The following ANO1 variants were observed in gnomAD, a reference collection of about 807,000 sequenced individuals.
ANO1 encodes the protein anoctamin 1, also known as anoctamin-1.
ANO1 carries 59 observed loss-of-function variants against 124.0 expected under a neutral mutation model. The observed-to-expected ratio is 0.48, with a 90% confidence interval of 0.39 to 0.59. The LOEUF (loss-of-function observed/expected upper bound fraction) is 0.59, where lower values mean the gene tolerates loss of function less well. Ranked by LOEUF, ANO1 falls within the 20% of genes least tolerant of loss-of-function variation. The pLI, the probability that ANO1 is intolerant of heterozygous loss-of-function variation, is 0.00. For synonymous variants in ANO1, 529 were observed against 532.0 expected (o/e 0.99, Z 0.08); for missense variants, 1,059 against 1,328.0 (o/e 0.80, Z 3.15).
At chr11:69,970,652 G>T in the ANO1 span, among the ~76,000 whole-genome samples, 1 of 152,196 alleles carries the variant, frequency 6.6e-6, no homozygotes, top group Non-Finnish European at 1.5e-5. Context: ...GCCTCGCAGG[G>T]AGTGGGGACC....
intron 1 of ANO1, among the ~76,000 whole-genome samples, chr11:70,016,791 T>C (rs1359954440): frequency 1.3e-5 from 2 of 152,156 alleles, no homozygotes; most frequent in Admixed American, 6.5e-5. Context: ...ACTCTAGACA[T>C]TGTGGGCAAA....
chr11:70,086,224 C>G (rs1161420384), intron 1 of ANO1, among the ~76,000 whole-genome samples: 1 of 152,188 alleles, frequency 6.6e-6, no homozygotes, highest in African/African-American at 2.4e-5. Flanking sequence ...TAGGTTCTAC[C>G]CAGCATGGCT....
chr11:70,001,258 G>C (rs1333596880), intron 1 of ANO1, among the ~76,000 whole-genome samples: 1 of 152,190 alleles, frequency 6.6e-6, no homozygotes, highest in Non-Finnish European at 1.5e-5. Flanking sequence ...TAAATAGAAT[G>C]CTCAGTAAAC....
At chr11:70,113,359 G>A (rs1212387488) in intron 7 of ANO1, among the ~76,000 whole-genome samples, 1 of 152,172 alleles carries the variant, frequency 6.6e-6, no homozygotes, top group East Asian at 1.9e-4. Flanking sequence ...GAGTCGGTTT[G>A]CCTCGGCCAG....
intron 1 of ANO1, among the ~76,000 whole-genome samples, chr11:69,996,359 T>C (rs540228868): frequency 1.3e-5 from 2 of 152,340 alleles, no homozygotes; most frequent in East Asian, 3.9e-4. Context: ...AAATGCTCCC[T>C]TGGCCAAATC....
chr11:70,131,448 C>T (rs2046755435), intron 10 of ANO1, among the ~76,000 whole-genome samples: 1 of 152,192 alleles, frequency 6.6e-6, no homozygotes, highest in African/African-American at 2.4e-5. Flanking sequence ...CTGCCTCAGC[C>T]TCCCGAGTAG....
At chr11:70,126,036 A>C in intron 9 of ANO1, 25 bp from the exon 10 acceptor site, 1 of 1,593,284 alleles carries the variant, frequency 6.3e-7, no homozygotes, top group Non-Finnish European at 8.6e-7. Flanking sequence ...AGTGGGCTTG[A>C]CTCTGCTCTG....
chr11:70,025,559 A>AATG (rs571946477), intron 1 of ANO1, among the ~76,000 whole-genome samples: 1,623 of 143,020 alleles, frequency 0.011, 11 homozygotes, highest in Non-Finnish European at 0.015. Context: ...TGGTGATGAC[A>AATG]ATGATGATGA....
At chr11:69,987,234 C>T (rs1179891742) in intron 1 of ANO1, among the ~76,000 whole-genome samples, 1 of 152,166 alleles carries the variant, frequency 6.6e-6, no homozygotes, top group Non-Finnish European at 1.5e-5. Flanking sequence ...TACTCTTGTG[C>T]GGCCAGGCTG....
intron 1 of ANO1, among the ~76,000 whole-genome samples, chr11:69,991,597 C>T (rs1233615718): frequency 6.6e-6 from 1 of 152,224 alleles, no homozygotes; most frequent in Non-Finnish European, 1.5e-5. Context: ...CAGTGAGTTT[C>T]TCTTCCATAT....
At chr11:70,133,586 C>T (rs1565234483) in intron 11 of ANO1, among the ~76,000 whole-genome samples, 1 of 152,154 alleles carries the variant, frequency 6.6e-6, no homozygotes, top group South Asian at 2.1e-4. Flanking sequence ...ATGGCGCCTC[C>T]GTCCTCTCCA....
chr11:69,977,532 G>A, the ANO1 span, among the ~76,000 whole-genome samples: 1 of 152,232 alleles, frequency 6.6e-6, no homozygotes, highest in Admixed American at 6.5e-5. Context: ...AGCCTGCAGA[G>A]CTGACAATGA....
chr11:70,007,379 C>A (rs4980724), intron 1 of ANO1, among the ~76,000 whole-genome samples: 110,179 of 150,824 alleles, frequency 0.73, 41,058 homozygotes, highest in East Asian at 0.98. Flanking sequence ...CGGGTTCACG[C>A]CATTCTCCTG....
intron 2 of ANO1, among the ~76,000 whole-genome samples, chr11:70,101,647 A>G (rs1590733744): frequency 6.7e-6 from 1 of 149,350 alleles, no homozygotes; most frequent in East Asian, 2.0e-4. Context: ...CTTTTTGTCA[A>G]CAAGCTACAA....
chr11:70,120,545 A>G lies in ANO1; in HGVS notation c.898-3805A>G, dbSNP rs560544100. ...GCATCCCTGGGCTGGACTAGGAGCC[A>G]CAGAGCCCAACATGTCATTCATCCA... On this transcript the variant is annotated intron_variant, in intron 8 of 25. Coordinates refer to ENST00000355303, the MANE Select transcript of ANO1 (RefSeq NM_018043.7). Among the ~76,000 whole-genome samples, 7 of 152,268 alleles carry G rather than the reference A, an allele frequency of 4.6e-5. No individual in the cohort carries two copies. The East Asian group carries it at 1.4e-3, about 29-fold the overall frequency.
At chr11:70,017,185 C>T (rs990179) in intron 1 of ANO1, among the ~76,000 whole-genome samples, 82,905 of 152,012 alleles carry the variant, frequency 0.55, 23,218 homozygotes, top group East Asian at 0.91. Flanking sequence ...TGAGGCTTAG[C>T]GGTCCGAACA....
chr11:70,184,098 G>A (rs552728081), intron 24 of ANO1, among the ~76,000 whole-genome samples: 1 of 152,340 alleles, frequency 6.6e-6, no homozygotes, highest in East Asian at 1.9e-4. Flanking sequence ...GTGACCAACA[G>A]GGGCACAAAC....
At chr11:70,085,763 T>C in intron 1 of ANO1, 3 of 1,348,310 alleles carry the variant, frequency 2.2e-6, no homozygotes, top group Admixed American at 2.9e-5. Context: ...AGGCCTTCCC[T>C]CCCCCTCTCC....
intron 22 of ANO1, among the ~76,000 whole-genome samples, chr11:70,173,773 G>A (rs1354037915): frequency 3.3e-5 from 5 of 152,104 alleles, no homozygotes; most frequent in African/African-American, 7.2e-5. Flanking sequence ...GGCCAGGGCC[G>A]GGCGCAGTGG....
Sources: allele counts gnomAD v4.1 joint callset (sites outside exome capture counted in the v4.1 genomes callset), GRCh38; gene constraint gnomAD v4.1.1; transcripts MANE v1.5; gene names NCBI Gene and HGNC (gene_info 2026-07-23, HGNC 2026-07-21).